AOPEP: variants seen among roughly 807,000 people sequenced by gnomAD.
AOPEP encodes the protein aminopeptidase O.
AOPEP carries 77 observed loss-of-function variants against 98.1 expected under a neutral mutation model. The ratio of observed to expected loss-of-function variants is 0.78; its 90% CI spans 0.65 to 0.95. The LOEUF (loss-of-function observed/expected upper bound fraction) is 0.95. AOPEP is among the 40% of genes least tolerant of loss of function. The pLI is 0.00. For missense variants in AOPEP, 1,024 were observed against 1,024.7 expected (o/e 1.00, Z 0.01); for synonymous variants, 346 against 365.3 (o/e 0.95, Z 0.60).
chr9:95,041,825 CCCAGAAGG>C, intron 13 of AOPEP, among the ~76,000 whole-genome samples: 1 of 152,150 alleles, frequency 6.6e-6, no homozygotes, highest in Non-Finnish European at 1.5e-5. Flanking sequence ...AAGAACCGGA[CCCAGAAGG>C]CCCGTAGACC....
chr9:94,889,329 G>A (rs1331003254), intron 5 of AOPEP, among the ~76,000 whole-genome samples: 1 of 152,080 alleles, frequency 6.6e-6, no homozygotes. Context: ...TCTACTGTAT[G>A]TATCAAAAGT....
chr9:95,011,007 C>T (rs1462991244), intron 13 of AOPEP, among the ~76,000 whole-genome samples: 12 of 152,122 alleles, frequency 7.9e-5, no homozygotes, highest in Non-Finnish European at 1.8e-4. Flanking sequence ...ATTAAAGTTT[C>T]TGTACCCAGG....
intron 11 of AOPEP, among the ~76,000 whole-genome samples, chr9:95,001,903 A>G (rs1200593259): frequency 6.6e-6 from 1 of 150,768 alleles, no homozygotes; most frequent in Admixed American, 6.6e-5. Flanking sequence ...TCACCCTCCC[A>G]GATAGCTGGT....
intron 2 of AOPEP, among the ~76,000 whole-genome samples, chr9:94,768,704 T>C (rs1319295957): frequency 2.9e-4 from 44 of 152,264 alleles, no homozygotes; most frequent in Non-Finnish European, 5.9e-5. Flanking sequence ...CTGATTTTCA[T>C]TGTCCTCTCA....
intron 11 of AOPEP, among the ~76,000 whole-genome samples, chr9:94,995,643 C>T (rs1186062773): frequency 6.6e-6 from 1 of 152,008 alleles, no homozygotes; most frequent in Non-Finnish European, 1.5e-5. Context: ...AGAAATGCTC[C>T]CATAGAAGGC....
At chr9:94,732,499 G>A (rs1241109609) in intron 1 of AOPEP, among the ~76,000 whole-genome samples, 1 of 152,172 alleles carries the variant, frequency 6.6e-6, no homozygotes, top group Non-Finnish European at 1.5e-5. Flanking sequence ...CTATTTGATA[G>A]GGTATAAGAA....
the AOPEP span, among the ~76,000 whole-genome samples, chr9:95,103,826 A>G: frequency 2.0e-5 from 3 of 152,246 alleles, no homozygotes; most frequent in African/African-American, 7.2e-5. Flanking sequence ...ATGGGGCTGC[A>G]GGACCAGTGC....
intron 13 of AOPEP, among the ~76,000 whole-genome samples, chr9:95,024,037 G>A (rs1338797959): frequency 2.0e-5 from 3 of 152,196 alleles, no homozygotes; most frequent in African/African-American, 7.2e-5. Flanking sequence ...CTTCCTAATT[G>A]CTAAGGGCTG....
intron 5 of AOPEP, among the ~76,000 whole-genome samples, chr9:94,920,959 A>G (rs7033307): frequency 0.01 from 1,593 of 152,286 alleles, 34 homozygotes; most frequent in African/African-American, 0.036. Context: ...CTTGGAGCCA[A>G]AAAGAATTTA....
chr9:95,126,737 C>A, the AOPEP span: 2 of 723,166 alleles, frequency 2.8e-6, no homozygotes, highest in Non-Finnish European at 4.9e-6. Flanking sequence ...GTACTGAAAA[C>A]GCCCCACATA....
intron 16 of AOPEP, among the ~76,000 whole-genome samples, chr9:95,083,398 G>C (rs1269788605): frequency 2.2e-5 from 3 of 134,958 alleles, no homozygotes; most frequent in East Asian, 2.3e-4. Context: ...AGCACACACA[G>C]CGCACGCACC....
At chr9:95,099,767 G>C in the AOPEP span, 2 of 232,428 alleles carry the variant, frequency 8.6e-6, no homozygotes. Context: ...GAGAGGACTC[G>C]GCAGCTGTGA....
intron 5 of AOPEP, among the ~76,000 whole-genome samples, chr9:94,842,160 G>A (rs1053314916): frequency 2.6e-5 from 4 of 152,030 alleles, no homozygotes; most frequent in Admixed American, 2.6e-4. Context: ...TCAGGAGTTC[G>A]AGACCAGCCT....
intron 1 of AOPEP, among the ~76,000 whole-genome samples, chr9:94,733,105 CTTTT>C (rs537104658): frequency 2.3e-5 from 3 of 128,932 alleles, no homozygotes; most frequent in Admixed American, 8.1e-5. Context: ...TTTTCTTTCT[CTTTT>C]TTTTTTTTTT....
intron 4 of AOPEP, among the ~76,000 whole-genome samples, chr9:94,800,333 TTGTG>T (rs1847935855): frequency 6.6e-6 from 1 of 152,188 alleles, no homozygotes; most frequent in African/African-American, 2.4e-5. Flanking sequence ...GATCTTTAAT[TTGTG>T]TGTACTGCTC....
chr9:94,994,750 G>A (rs1387354010), intron 11 of AOPEP, among the ~76,000 whole-genome samples: 2 of 152,136 alleles, frequency 1.3e-5, no homozygotes, highest in Non-Finnish European at 2.9e-5. Context: ...TCAGGAGTTC[G>A]AGAACAGCCT....
At chr9:94,828,730 A>G (rs1224681716) in intron 5 of AOPEP, among the ~76,000 whole-genome samples, 1 of 152,004 alleles carries the variant, frequency 6.6e-6, no homozygotes, top group Non-Finnish European at 1.5e-5. Context: ...ACATATACAC[A>G]CACAATATAT....
intron 16 of AOPEP, among the ~76,000 whole-genome samples, chr9:95,083,839 A>G (rs2070230513): frequency 6.6e-6 from 1 of 152,216 alleles, no homozygotes; most frequent in African/African-American, 2.4e-5. Context: ...TTGGAGCGGA[A>G]TTTCTCCCCT....
chr9:94,967,909 TAATAGAGGC>T (rs1157791229), intron 10 of AOPEP, 108 bp downstream of exon 10: 1 of 927,522 alleles, frequency 1.1e-6, no homozygotes, highest in Non-Finnish European at 1.8e-6. Context: ...TCTTTCTGTC[TAATAGAGGC>T]AAGGACCTAG....
Sources: allele counts gnomAD v4.1 joint callset (sites outside exome capture counted in the v4.1 genomes callset), GRCh38; gene constraint gnomAD v4.1.1; transcripts MANE v1.5; gene names NCBI Gene and HGNC (gene_info 2026-07-23, HGNC 2026-07-21).